The following NAALADL2 variants were observed in gnomAD, a reference collection of about 807,000 sequenced individuals.
The protein encoded by NAALADL2 is inactive N-acetylated-alpha-linked acidic dipeptidase-like protein 2.
Under a neutral mutation model 87.2 loss-of-function variants are expected in NAALADL2, and 76 were observed. The observed-to-expected ratio is 0.87, with a 90% confidence interval of 0.72 to 1.05. The LOEUF (loss-of-function observed/expected upper bound fraction) is 1.05, where lower values mean the gene tolerates loss of function less well. Ranked by LOEUF, NAALADL2 falls within the 50% of genes least tolerant of loss-of-function variation. The pLI is 0.00. For synonymous variants in NAALADL2, 354 were observed against 331.0 expected, an observed-to-expected ratio of 1.07 and a Z score of -0.75; for missense variants, 1,089 against 945.8, an observed-to-expected ratio of 1.15 and a Z score of -1.99.
At chr3:174,669,862 T>C (rs183316920) in intron 2 of NAALADL2, among the ~76,000 whole-genome samples, 1 of 152,184 alleles carries the variant, frequency 6.6e-6, no homozygotes, top group African/African-American at 2.4e-5. Flanking sequence ...TGCCTTCCAA[T>C]CCATGAACAC....
chr3:174,814,655 A>G (rs1320571201), intron 3 of NAALADL2, among the ~76,000 whole-genome samples: 1 of 152,190 alleles, frequency 6.6e-6, no homozygotes, highest in Non-Finnish European at 1.5e-5. Context: ...ATAATTAATA[A>G]TATCAAATTT....
rs571692214 is a variant in NAALADL2, at chr3:174,899,973, TAAA to T, written c.43+40527_43+40529del. On this transcript the variant is annotated intron_variant, in intron 1 of 13. Transcript: ENST00000454872. The stretch of plus-strand genomic sequence containing the variant: ...AGTGTAGGTTCTTTAAATAAAAATT[TAAA>T]AAACTCTTATTTTATATATTAATTT... Among the ~76,000 whole-genome samples, 435 of 152,142 alleles carry T rather than the reference TAAA, an allele frequency of 2.9e-3. 4 individuals are homozygous for T. The highest frequency in any genetic ancestry group is 0.027 in the Admixed American group (410 of 15,272).
intron 1 of NAALADL2, among the ~76,000 whole-genome samples, chr3:174,986,173 T>C (rs930179324): frequency 6.6e-6 from 1 of 151,004 alleles, no homozygotes; most frequent in African/African-American, 2.4e-5. Flanking sequence ...TATACAAATT[T>C]CTGATTACAT....
chr3:175,079,449 T>A (rs1717304091), intron 1 of NAALADL2: 1 of 152,208 alleles, frequency 6.6e-6, no homozygotes, highest in Non-Finnish European at 1.5e-5. Flanking sequence ...ATTCATCTTT[T>A]TTGTTGTTGT....
intron 5 of NAALADL2, among the ~76,000 whole-genome samples, chr3:175,380,535 T>C (rs780390012): frequency 5.3e-5 from 8 of 152,176 alleles, no homozygotes; most frequent in Non-Finnish European, 1.0e-4. Context: ...ATAAAATACC[T>C]ACAACATCCT....
intron 1 of NAALADL2, among the ~76,000 whole-genome samples, chr3:175,074,254 CAT>C (rs946432181): frequency 6.6e-6 from 1 of 152,068 alleles, no homozygotes; most frequent in African/African-American, 2.4e-5. Flanking sequence ...TTTTGACTCA[CAT>C]GTCTCAGGTA....
At chr3:175,486,164 T>A (rs969154828) in intron 9 of NAALADL2, among the ~76,000 whole-genome samples, 1 of 152,176 alleles carries the variant, frequency 6.6e-6, no homozygotes. Context: ...CAAAAGCAAG[T>A]TTAAATATTG....
intron 1 of NAALADL2, among the ~76,000 whole-genome samples, chr3:174,903,570 T>G (rs1043148252): frequency 2.6e-5 from 4 of 151,488 alleles, no homozygotes; most frequent in Non-Finnish European, 4.4e-5. Flanking sequence ...TATCTATCTT[T>G]TAGTAGTAGT....
chr3:175,687,075 G>T (rs957102360), intron 11 of NAALADL2, among the ~76,000 whole-genome samples: 4 of 152,090 alleles, frequency 2.6e-5, no homozygotes, highest in African/African-American at 9.7e-5. Flanking sequence ...TAAATGATTT[G>T]CTCTAAGCCA....
At chr3:175,213,659 G>T (rs1742089134) in intron 2 of NAALADL2, among the ~76,000 whole-genome samples, 1 of 152,260 alleles carries the variant, frequency 6.6e-6, no homozygotes, top group East Asian at 1.9e-4. Context: ...TGAGAACTGA[G>T]TAGGCACTGT....
At chr3:175,424,261 A>G (rs1235935053) in intron 5 of NAALADL2, among the ~76,000 whole-genome samples, 2 of 152,156 alleles carry the variant, frequency 1.3e-5, no homozygotes, top group Admixed American at 6.5e-5. Flanking sequence ...TCTTTAGCTT[A>G]ATTAGATCCC....
intron 1 of NAALADL2, among the ~76,000 whole-genome samples, chr3:174,869,867 G>C (rs540581166): frequency 6.6e-6 from 1 of 151,870 alleles, no homozygotes; most frequent in Non-Finnish European, 1.5e-5. Flanking sequence ...GTGGTGGCTC[G>C]TGCCTGTAAT....
In NAALADL2 at chr3:174,760,059, T is replaced by C. The variant is rs115325666; in HGVS notation, c.-9+22313T>C. ...ACACAGAACATTCTCATGGATCTTA[T>C]TTAATCTTTCCAGTCTCCTGTAAAG... On this transcript the variant is annotated intron_variant, in intron 3 of 3. Coordinates refer to the NAALADL2 transcript ENST00000434257. Among the ~76,000 whole-genome samples the C allele has an allele frequency of 8.4e-3, 1,274 of 152,336 alleles. 2 individuals are homozygous for C. Among genetic ancestry groups the C allele is most frequent in the African/African-American group, 0.018 (751 of 41,566 alleles).
intron 4 of NAALADL2, among the ~76,000 whole-genome samples, chr3:175,289,997 G>A (rs1755456473): frequency 6.6e-6 from 1 of 152,090 alleles, no homozygotes. Context: ...TAATTGTCAG[G>A]GAGATAGAAA....
chr3:174,884,401 C>T (rs1487584428), intron 1 of NAALADL2, among the ~76,000 whole-genome samples: 1 of 152,142 alleles, frequency 6.6e-6, no homozygotes, highest in Admixed American at 6.5e-5. Context: ...ACCATTCTAT[C>T]AATCCAGCTG....
chr3:175,328,785 A>G (rs1389281545), intron 5 of NAALADL2, among the ~76,000 whole-genome samples: 1 of 152,240 alleles, frequency 6.6e-6, no homozygotes, highest in Non-Finnish European at 1.5e-5. Context: ...TTGGCCTAAA[A>G]TCATAAATCA....
intron 2 of NAALADL2, among the ~76,000 whole-genome samples, chr3:175,146,447 G>C (rs986065764): frequency 2.6e-5 from 4 of 152,048 alleles, no homozygotes; most frequent in African/African-American, 9.7e-5. Flanking sequence ...TCTGCCCTCT[G>C]GTGGGACTAC....
chr3:175,133,582 C>T (rs533328694), intron 2 of NAALADL2, among the ~76,000 whole-genome samples: 29 of 152,264 alleles, frequency 1.9e-4, no homozygotes, highest in African/African-American at 5.8e-4. Context: ...ACCAGTCAGG[C>T]GTGGCGGCGC....
intron 1 of NAALADL2, chr3:174,864,007 T>C: frequency 4.4e-6 from 2 of 453,306 alleles, no homozygotes; most frequent in South Asian, 3.1e-5. Context: ...GAATCTTTGC[T>C]GGAAAGTCTC....
Sources: gnomAD v4.1 joint callset for allele counts (sites outside exome capture counted in the v4.1 genomes callset) on GRCh38, gnomAD v4.1.1 for gene constraint, MANE v1.5 for transcripts, NCBI Gene and HGNC (gene_info 2026-07-23, HGNC 2026-07-21) for gene names.